ZNF681: variants seen among roughly 807,000 people sequenced by gnomAD.
The protein encoded by ZNF681 is zinc finger protein 681, also known as hypothetical protein FLJ31526.
A neutral mutation model predicts 56.0 loss-of-function variants in ZNF681; 37 were observed. That is an observed-to-expected ratio of 0.66 (90% confidence interval 0.51 to 0.87). The LOEUF is 0.87. ZNF681 is among the 40% of genes least tolerant of loss of function. ZNF681 has a pLI of 0.00. For synonymous variants in ZNF681, 225 were observed against 248.6 expected, an observed-to-expected ratio of 0.91 and a Z score of 0.89; for missense variants, 741 against 744.9, an observed-to-expected ratio of 0.99 and a Z score of 0.06.
Position 23,758,766 on chromosome 19 carries a change from G to C in ZNF681, c.-17C>G. On this transcript the variant is annotated 5_prime_UTR_variant, in exon 1 of 4. Coordinates refer to ENST00000402377, the MANE Select transcript of ZNF681 (RefSeq NM_138286.3). ...TCTCACCATTTCTAGGTTTCCGGGGGACCTGGCGTCTTAGCTATGGATCGC... is the reference window on the plus strand; with the variant it reads ...TCTCACCATTTCTAGGTTTCCGGGGCACCTGGCGTCTTAGCTATGGATCGC... The C allele has an allele frequency of 6.2e-7, 1 of 1,614,222 alleles. No homozygotes were observed.
chr19:23,744,410 G>C lies in ZNF681; in HGVS notation c.1140C>G (p.His380Gln). The C allele has an allele frequency of 6.2e-7, 1 of 1,612,826 alleles. No individual in the cohort carries two copies. The highest frequency in any genetic ancestry group is 8.5e-7 in the Non-Finnish European group (1 of 1,179,540). ...TATGAATTATCTTATGTGTAGTAAG[G>C]TGTGAGGACTGCCTAAAGGCTTTGC... ...ECGKAFRQSS[H>Q]LTTHKIIHTG... Residue 380 changes from histidine to glutamine, a missense_variant, in exon 4 of 4, where the codon CAC (histidine) becomes CAG (glutamine). His to Gln is a conservative substitution (Grantham distance 24, BLOSUM62 0). Coordinates refer to ENST00000402377, the MANE Select transcript of ZNF681 (RefSeq NM_138286.3).
intron 3 of ZNF681, among the ~76,000 whole-genome samples, chr19:23,751,913 T>G (rs1413681924): frequency 6.6e-6 from 1 of 152,124 alleles, no homozygotes; most frequent in African/African-American, 2.4e-5. Flanking sequence ...GGTCTCGATC[T>G]CCTGACCTCG....
chr19:23,755,681 C>A (rs1394656714), intron 1 of ZNF681, 130 bp from the exon 2 acceptor site: 1 of 1,113,776 alleles, frequency 9.0e-7, no homozygotes, highest in Non-Finnish European at 1.2e-6. Flanking sequence ...CTGGTTCTGA[C>A]TTACAGAAAT....
At chr19:23,755,622 G>A (rs1969105504) in intron 1 of ZNF681, 71 bp from the exon 2 acceptor site, 2 of 1,365,136 alleles carry the variant, frequency 1.5e-6, no homozygotes, top group Admixed American at 2.7e-5. Context: ...AAGTGGCCAT[G>A]GAAAGAATTT....
Position 23,745,016 on chromosome 19 carries a change from T to G in ZNF681, c.534A>C (p.Ser178=). The G allele has an allele frequency of 6.3e-7, 1 of 1,596,556 alleles. No individual in the cohort carries two copies. The highest frequency in any genetic ancestry group is 1.1e-5 in the South Asian group (1 of 88,956). The change falls in exon 4 of 4, where the codon TCA becomes TCC. Residue 178 remains serine (S), a synonymous_variant. Coordinates refer to ENST00000402377, the MANE Select transcript of ZNF681 (RefSeq NM_138286.3). The part of the protein sequence containing the change: ...KPFKYKEFGK[S]FCIFSNLTQH... ...GAGTTAGGTTTGAAAATATGCAAAA[T>G]GATTTGCCAAATTCTTTATATTTAA... is the stretch of plus-strand genomic sequence containing the variant.
Position 23,742,904 on chromosome 19 carries a change from A to G in ZNF681, c.*708T>C, listed in dbSNP as rs534375697. ...CTACTTCTTATAATGTTATATACAA[A>G]TAATTCATTTACCAACTTTAGTTTT... On this transcript the variant is annotated 3_prime_UTR_variant, in exon 4 of 4. Transcript: ENST00000402377. 7.2e-5 allele frequency: 11 copies of G among 152,320 alleles called. No individual in the cohort carries two copies. Among genetic ancestry groups the G allele is most frequent in the Admixed American group, 2.6e-4 (4 of 15,290 alleles). 9.4% of individuals were successfully genotyped at this position (152,320 alleles called of 1,614,324 possible). A position where few individuals can be genotyped will look rare whatever the true frequency, so the allele number is the denominator to read the frequency against.
Position 23,740,880 on chromosome 19 carries a change from T to C in ZNF681, c.*2732A>G, listed in dbSNP as rs551238949. The C allele has an allele frequency of 6.6e-6, 1 of 152,116 alleles. No homozygotes were observed. The highest frequency in any genetic ancestry group is 2.4e-5 in the African/African-American group (1 of 41,438). 9.4% of individuals were successfully genotyped at this position (152,116 alleles called of 1,614,324 possible). A position where few individuals can be genotyped will look rare whatever the true frequency, so the allele number is the denominator to read the frequency against. ...TTTTATAATCTCTGACCAGCTCACATAGCATCTTATATAAAATAAGAGAAA... is the reference window on the plus strand; with the variant it reads ...TTTTATAATCTCTGACCAGCTCACACAGCATCTTATATAAAATAAGAGAAA... On this transcript the variant is annotated 3_prime_UTR_variant, in exon 4 of 4. Transcript: ENST00000402377.
Position 23,744,688 on chromosome 19 carries a change from C to T in ZNF681, c.862G>A (p.Asp288Asn). 6.3e-7 allele frequency: 1 copy of T among 1,596,304 alleles called. No individual in the cohort carries two copies. The highest frequency in any genetic ancestry group is 1.1e-5 in the South Asian group (1 of 90,036). Residue 288 changes from aspartate (D) to asparagine (N), a missense_variant, in exon 4 of 4, where the codon GAC becomes AAC. Asp to Asn is a conservative substitution (Grantham distance 23). Coordinates refer to ENST00000402377, the MANE Select transcript of ZNF681 (RefSeq NM_138286.3). ...GTTAAGGACTGATTAAAGGCTTTGT[C>T]ACATTCTTCACGTTTGTAGGGATTC... ...GENPYKREEC[D>N]KAFNQSLTLT...
At chr19:23,747,613 C>G (rs1474039743) in intron 3 of ZNF681, among the ~76,000 whole-genome samples, 1 of 139,528 alleles carries the variant, frequency 7.2e-6, no homozygotes, top group Non-Finnish European at 1.5e-5. Context: ...GCAGTCCAGC[C>G]TGGGCGAGAG....
chr19:23,745,682 A>AGGTGGG (rs1968935378), intron 3 of ZNF681, among the ~76,000 whole-genome samples: 1 of 151,866 alleles, frequency 6.6e-6, no homozygotes, highest in South Asian at 2.1e-4. Flanking sequence ...CAAATTCCTG[A>AGGTGGG]CCTCGTGATC....
Position 23,742,337 on chromosome 19 carries a change from C to A in ZNF681, c.*1275G>T, listed in dbSNP as rs1354804126. 1 of 151,876 alleles carries A rather than the reference C, an allele frequency of 6.6e-6. No individual in the cohort carries two copies. The highest frequency in any genetic ancestry group is 2.4e-5 in the African/African-American group (1 of 41,310). The allele number at this position is 151,876 out of a possible 1,614,324, so 9.4% of individuals were successfully genotyped here. A position where few individuals can be genotyped will look rare whatever the true frequency, so the allele number is the denominator to read the frequency against. Reference sequence around the variant, plus strand: ...AGAAACCCCATCTCTATTAAAAATACAAAATTAGCCGGGCATGGTGGCACA... The same window carrying A: ...AGAAACCCCATCTCTATTAAAAATAAAAAATTAGCCGGGCATGGTGGCACA... On this transcript the variant is annotated 3_prime_UTR_variant, in exon 4 of 4. Transcript: ENST00000402377.
intron 3 of ZNF681, among the ~76,000 whole-genome samples, chr19:23,754,286 T>C (rs551172421): frequency 6.6e-6 from 1 of 152,208 alleles, no homozygotes; most frequent in South Asian, 2.1e-4. Flanking sequence ...CACTCTAAAC[T>C]AGAAGGCAGA....
In ZNF681 at chr19:23,758,760, C is replaced by G. The variant is rs774830420; in HGVS notation, c.-11G>C. 6.2e-7 allele frequency: 1 copy of G among 1,614,212 alleles called. No homozygotes were observed. The highest frequency in any genetic ancestry group is 8.5e-7 in the Non-Finnish European group (1 of 1,180,026). On this transcript the variant is annotated 5_prime_UTR_variant, in exon 1 of 4. Transcript: ENST00000402377. ...CGACATTCTCACCATTTCTAGGTTT[C>G]CGGGGGACCTGGCGTCTTAGCTATG...
intron 3 of ZNF681, among the ~76,000 whole-genome samples, chr19:23,748,629 T>A (rs1363521934): frequency 6.6e-6 from 1 of 152,178 alleles, no homozygotes; most frequent in African/African-American, 2.4e-5. Context: ...TTGTCTTTAT[T>A]CCCACGTTCA....
Position 23,744,282 on chromosome 19 carries a change from T to G in ZNF681, c.1268A>C (p.Gln423Pro), listed in dbSNP as rs761630681. Residue 423 changes from glutamine to proline, a missense_variant, in exon 4 of 4, where the codon CAG becomes CCG. Coordinates refer to ENST00000402377, the MANE Select transcript of ZNF681 (RefSeq NM_138286.3). ...KSIHTGEKPY[Q>P]CEKCGKASNQ... ...AGAAGCTTTGCCACATTTTTCACAC[T>G]GGTAGGGTTTTTCTCCAGTATGAAT... is the stretch of plus-strand genomic sequence containing the variant. The G allele has an allele frequency of 6.2e-7, 1 of 1,613,718 alleles. No individual in the cohort carries two copies. The highest frequency in any genetic ancestry group is 2.2e-5 in the East Asian group (1 of 44,850).
At chr19:23,755,786 T>A (rs560273948) in intron 1 of ZNF681, among the ~76,000 whole-genome samples, 99 of 152,276 alleles carry the variant, frequency 6.5e-4, no homozygotes, top group Non-Finnish European at 1.3e-3. Flanking sequence ...ATTAGATCTA[T>A]AACACCAGAC....
rs909691265 is a variant in ZNF681 at position 23,740,606 on chromosome 19, A to C, written c.*3006T>G. The C allele has an allele frequency of 6.6e-6, 1 of 152,152 alleles. No homozygotes were observed. Among genetic ancestry groups the C allele is most frequent in the Non-Finnish European group, 1.5e-5 (1 of 68,026 alleles). The allele number at this position is 152,152 out of a possible 1,614,324, so 9.4% of individuals were successfully genotyped here. A position where few individuals can be genotyped will look rare whatever the true frequency, so the allele number is the denominator to read the frequency against. ...GAAAGCACTGTCATGTTTGTTTGCT[A>C]TATTTATATATAAAAACATCCTCAT... On this transcript the variant is annotated 3_prime_UTR_variant, in exon 4 of 4. Transcript: ENST00000402377.
intron 3 of ZNF681, among the ~76,000 whole-genome samples, chr19:23,751,147 A>G (rs1308945617): frequency 6.6e-6 from 1 of 151,184 alleles, no homozygotes; most frequent in Non-Finnish European, 1.5e-5. Flanking sequence ...AAAAAAAAAA[A>G]AAGATCTGGT....
At chr19:23,748,279 C>G (rs1429420554) in intron 3 of ZNF681, among the ~76,000 whole-genome samples, 2 of 152,130 alleles carry the variant, frequency 1.3e-5, no homozygotes, top group South Asian at 2.1e-4. Flanking sequence ...ATGACCAACT[C>G]AGCATTCCAC....
Sources: gnomAD v4.1 joint callset for allele counts (sites outside exome capture counted in the v4.1 genomes callset) on GRCh38, gnomAD v4.1.1 for gene constraint, MANE v1.5 for transcripts, NCBI Gene and HGNC (gene_info 2026-07-23, HGNC 2026-07-21) for gene names.